The following INPP4B variants were observed in gnomAD, a reference collection of about 807,000 sequenced individuals.
The protein encoded by INPP4B is inositol polyphosphate-4-phosphatase type II B, also known as inositol polyphosphate 4-phosphatase type II.
In INPP4B, 55 loss-of-function variants were observed where a neutral mutation model predicts 122.5. The ratio of observed to expected loss-of-function variants is 0.45; its 90% CI spans 0.36 to 0.56. The LOEUF (loss-of-function observed/expected upper bound fraction) is 0.56, where lower values mean the gene tolerates loss of function less well. INPP4B is among the 20% of genes least tolerant of loss of function. The probability of loss-of-function intolerance (pLI) is 0.00; values close to 1 mark genes in which losing one functional copy is unlikely to be tolerated. For missense variants in INPP4B, 1,000 were observed against 1,097.7 expected (o/e 0.91, Z 1.26); for synonymous variants, 403 against 388.7 (o/e 1.04, Z -0.43).
intron 1 of INPP4B, among the ~76,000 whole-genome samples, chr4:142,837,792 C>A (rs1328642595): frequency 6.6e-6 from 1 of 152,026 alleles, no homozygotes; most frequent in Non-Finnish European, 1.5e-5. Context: ...AAGGTTCATA[C>A]CCTTTATCCA....
rs193097284 is a variant in INPP4B, at chr4:142,837,162, T to A, written c.-254+9047A>T. On this transcript the variant is annotated intron_variant, in intron 1 of 25. Coordinates refer to ENST00000262992, the MANE Select transcript of INPP4B (RefSeq NM_001101669.3). ...CAAGAGGGAAACACAGTCTCAAAAA[T>A]AATAATAATAATAATAATAATAATA... Among the ~76,000 whole-genome samples the A allele has an allele frequency of 8.5e-3, 1,227 of 143,516 alleles. 12 individuals are homozygous for A. The highest frequency in any genetic ancestry group is 0.027 in the African/African-American group (958 of 35,072). The allele number at this position is 143,516 out of a possible 152,430, so 94.2% of individuals were successfully genotyped here. A position where few individuals can be genotyped will look rare whatever the true frequency, so the allele number is the denominator to read the frequency against.
chr4:142,643,033 G>A (rs1164448096), intron 2 of INPP4B, among the ~76,000 whole-genome samples: 3 of 152,160 alleles, frequency 2.0e-5, no homozygotes, highest in South Asian at 4.1e-4. Context: ...TGAAGCAATT[G>A]TGAATGGGAG....
intron 4 of INPP4B, among the ~76,000 whole-genome samples, chr4:142,429,884 T>C (rs1808916105): frequency 6.6e-6 from 1 of 152,046 alleles, no homozygotes; most frequent in African/African-American, 2.4e-5. Context: ...TTGTGGGAAG[T>C]GATATGGGTA....
At chr4:142,055,668 T>A (rs989710465) in intron 25 of INPP4B, among the ~76,000 whole-genome samples, 1 of 151,926 alleles carries the variant, frequency 6.6e-6, no homozygotes, top group Non-Finnish European at 1.5e-5. Context: ...CAACATTATA[T>A]AATCTTATTT....
intron 7 of INPP4B, among the ~76,000 whole-genome samples, chr4:142,328,798 C>T: frequency 6.6e-6 from 1 of 152,058 alleles, no homozygotes; most frequent in South Asian, 2.1e-4. Context: ...TAAACATATG[C>T]TCTTTGGGAT....
chr4:142,187,683 T>C (rs912873099), intron 15 of INPP4B, among the ~76,000 whole-genome samples: 1 of 152,058 alleles, frequency 6.6e-6, no homozygotes, highest in Non-Finnish European at 1.5e-5. Context: ...AACCTCCACC[T>C]TGCAGGCTCA....
intron 1 of INPP4B, among the ~76,000 whole-genome samples, chr4:142,803,207 T>C (rs1312996597): frequency 7.1e-6 from 1 of 140,638 alleles, no homozygotes; most frequent in Non-Finnish European, 1.6e-5. Flanking sequence ...AAGAAAGAAA[T>C]GAAACATCAA....
At chr4:142,591,974 A>G (rs1293021454) in intron 2 of INPP4B, among the ~76,000 whole-genome samples, 1 of 152,186 alleles carries the variant, frequency 6.6e-6, no homozygotes, top group Admixed American at 6.5e-5. Context: ...GGTAAAAACT[A>G]TGAAAATCTG....
intron 25 of INPP4B, among the ~76,000 whole-genome samples, chr4:142,074,516 T>C (rs748797405): frequency 4.6e-5 from 7 of 152,052 alleles, no homozygotes; most frequent in Admixed American, 6.6e-5. Flanking sequence ...AAATTAAAAA[T>C]ACAAATGCCT....
chr4:142,179,078 C>A (rs1829613543), intron 15 of INPP4B, among the ~76,000 whole-genome samples: 1 of 152,058 alleles, frequency 6.6e-6, no homozygotes, highest in African/African-American at 2.4e-5. Context: ...AAAAACAAAA[C>A]AAAACAGTAT....
intron 12 of INPP4B, among the ~76,000 whole-genome samples, chr4:142,228,020 G>A (rs553086013): frequency 1.3e-5 from 2 of 151,764 alleles, no homozygotes; most frequent in South Asian, 2.1e-4. Context: ...GGTCAAGGAT[G>A]GAATAAAACT....
intron 2 of INPP4B, among the ~76,000 whole-genome samples, chr4:142,542,071 C>A (rs1560777668): frequency 6.6e-6 from 1 of 152,296 alleles, no homozygotes; most frequent in East Asian, 1.9e-4. Flanking sequence ...CCAGCAAGTT[C>A]TGCCTGCATG....
intron 1 of INPP4B, among the ~76,000 whole-genome samples, chr4:142,819,581 T>A (rs934826821): frequency 1.4e-4 from 21 of 152,182 alleles, no homozygotes; most frequent in African/African-American, 5.1e-4. Flanking sequence ...ACTAGTATAA[T>A]TTTTGTGCTG....
Position 142,390,806 on chromosome 4 carries a change from C to T in INPP4B, c.372+12132G>A, listed in dbSNP as rs564518535. Among the ~76,000 whole-genome samples, 13 of 151,708 alleles carry T rather than the reference C, an allele frequency of 8.6e-5. No homozygotes were observed. In the East Asian group the frequency reaches 1.4e-3, roughly 16 times the overall value. ...GCCTTGTCAATTGTGTCTTTAACTA[C>T]GACTATTTAGAGTCATTTCCACAGT... On this transcript the variant is annotated intron_variant, in intron 7 of 25. Coordinates refer to ENST00000262992, the MANE Select transcript of INPP4B (RefSeq NM_001101669.3).
chr4:142,628,101 C>T (rs554428842), intron 2 of INPP4B, among the ~76,000 whole-genome samples: 62 of 151,652 alleles, frequency 4.1e-4, no homozygotes, highest in Non-Finnish European at 5.7e-4. Context: ...GCTATAAAGA[C>T]ACATGCACAC....
intron 2 of INPP4B, among the ~76,000 whole-genome samples, chr4:142,545,680 A>AACACACACATATATATGTGTATAT (rs1829462890): frequency 1.1e-5 from 1 of 93,194 alleles, no homozygotes; most frequent in African/African-American, 4.3e-5. Context: ...TATTAGATTT[A>AACACACACATATATATGTGTATAT]ATACACACAT....
chr4:142,659,793 G>A (rs569336821), intron 2 of INPP4B, among the ~76,000 whole-genome samples: 1 of 152,214 alleles, frequency 6.6e-6, no homozygotes, highest in African/African-American at 2.4e-5. Flanking sequence ...TGTCTCACAA[G>A]ACATCCTTTC....
At chr4:142,536,135 G>A (rs1000363213) in intron 2 of INPP4B, among the ~76,000 whole-genome samples, 1 of 152,092 alleles carries the variant, frequency 6.6e-6, no homozygotes, top group Non-Finnish European at 1.5e-5. Flanking sequence ...CAATTTTTAG[G>A]GGGTAAGTAA....
intron 22 of INPP4B, among the ~76,000 whole-genome samples, chr4:142,112,077 C>A (rs1790473012): frequency 6.6e-6 from 1 of 152,102 alleles, no homozygotes; most frequent in African/African-American, 2.4e-5. Flanking sequence ...CTTATGGGAT[C>A]ACAGTACAAT....
Sources: allele counts gnomAD v4.1 joint callset (sites outside exome capture counted in the v4.1 genomes callset), GRCh38; gene constraint gnomAD v4.1.1; transcripts MANE v1.5; gene names NCBI Gene and HGNC (gene_info 2026-07-23, HGNC 2026-07-21).